The following GALNT2 variants were observed in gnomAD, a reference collection of about 807,000 sequenced individuals.
GALNT2 encodes polypeptide N-acetylgalactosaminyltransferase 2.
GALNT2 carries 31 observed loss-of-function variants against 81.4 expected under a neutral mutation model. The ratio of observed to expected loss-of-function variants is 0.38; its 90% confidence interval spans 0.29 to 0.51. The LOEUF is 0.51. GALNT2 is among the 20% of genes least tolerant of loss of function. The pLI, the probability that GALNT2 is intolerant of heterozygous loss-of-function variation, is 0.87. For synonymous variants in GALNT2, 303 were observed against 287.4 expected, an observed-to-expected ratio of 1.05 and a Z score of -0.55; for missense variants, 629 against 765.7, an observed-to-expected ratio of 0.82 and a Z score of 2.11.
intron 11 of GALNT2, among the ~76,000 whole-genome samples, chr1:230,256,573 T>A (rs1665722656): frequency 6.6e-6 from 1 of 152,124 alleles, no homozygotes; most frequent in South Asian, 2.1e-4. Context: ...TAATTGTGTA[T>A]ACCACAAGAC....
intron 14 of GALNT2, 73 bp from the exon 15 acceptor site, chr1:230,274,372 C>A: frequency 6.4e-7 from 1 of 1,560,988 alleles, no homozygotes. Context: ...TTTTTGAGCC[C>A]TCATCGATGC....
At chr1:230,200,606 G>A (rs1191683082) in intron 2 of GALNT2, among the ~76,000 whole-genome samples, 2 of 152,220 alleles carry the variant, frequency 1.3e-5, no homozygotes, top group Non-Finnish European at 2.9e-5. Context: ...GGGTGTGAGA[G>A]CACAAAGAGA....
intron 1 of GALNT2, among the ~76,000 whole-genome samples, chr1:230,164,102 A>G (rs1395560241): frequency 6.6e-6 from 1 of 152,242 alleles, no homozygotes; most frequent in African/African-American, 2.4e-5. Flanking sequence ...ACTGTGAAGA[A>G]CACATACGTA....
At chr1:230,203,116 C>CCTCTG (rs1325971339) in intron 2 of GALNT2, 21 bp from the exon 3 acceptor site, 25 of 1,610,170 alleles carry the variant, frequency 1.6e-5, no homozygotes, top group Non-Finnish European at 2.0e-5. Flanking sequence ...TCATCCCTAC[C>CCTCTG]CTCTGCTCTG....
rs370318591 is a variant in GALNT2, at chr1:230,143,785, A to G, written c.127-34433A>G. On this transcript the variant is annotated intron_variant, in intron 1 of 15. Coordinates refer to ENST00000366672, the MANE Select transcript of GALNT2 (RefSeq NM_004481.5). Reference sequence around the variant, plus strand: ...CGTGGGTGACATTGATGCGCCAACCAGATGCCCCCAGCTGTGACAGGCAGA... The same window carrying G: ...CGTGGGTGACATTGATGCGCCAACCGGATGCCCCCAGCTGTGACAGGCAGA... Among the ~76,000 whole-genome samples, 339 of 152,346 alleles carry G rather than the reference A, an allele frequency of 2.2e-3. 5 individuals are homozygous for G. Among genetic ancestry groups the G allele is most frequent in the Middle Eastern group, 0.01 (3 of 294 alleles).
intron 1 of GALNT2, among the ~76,000 whole-genome samples, chr1:230,112,688 G>C (rs932081114): frequency 6.6e-6 from 1 of 151,928 alleles, no homozygotes; most frequent in Non-Finnish European, 1.5e-5. Context: ...GGAGGAGGGA[G>C]AGGGTGGCTG....
intron 10 of GALNT2, among the ~76,000 whole-genome samples, chr1:230,252,809 A>G (rs1572140720): frequency 8.3e-6 from 1 of 120,228 alleles, no homozygotes; most frequent in Admixed American, 8.2e-5. Flanking sequence ...GCAAATGGAT[A>G]TTTAAATTTT....
intron 1 of GALNT2, among the ~76,000 whole-genome samples, chr1:230,112,621 A>G (rs1404086980): frequency 1.3e-5 from 2 of 152,106 alleles, no homozygotes; most frequent in Non-Finnish European, 2.9e-5. Flanking sequence ...GTTCTTTTCC[A>G]AGTGACTTAA....
At chr1:230,203,487 C>G (rs1189420952) in intron 3 of GALNT2, among the ~76,000 whole-genome samples, 197 bp downstream of exon 3, 1 of 152,184 alleles carries the variant, frequency 6.6e-6, no homozygotes, top group African/African-American at 2.4e-5. Flanking sequence ...AGATTCAGCT[C>G]TAGTCTTTAG....
At chr1:230,200,410 A>G (rs1663853560) in intron 2 of GALNT2, among the ~76,000 whole-genome samples, 1 of 151,964 alleles carries the variant, frequency 6.6e-6, no homozygotes, top group Non-Finnish European at 1.5e-5. Flanking sequence ...CTCCTAGAAC[A>G]TGAAGTCCAC....
chr1:230,175,984 A>T (rs889591910), intron 1 of GALNT2, among the ~76,000 whole-genome samples: 4 of 152,136 alleles, frequency 2.6e-5, no homozygotes, highest in Non-Finnish European at 4.4e-5. Flanking sequence ...GTAAGACAGG[A>T]ATTATAAAAT....
rs1487988876 is a variant in GALNT2, at chr1:230,280,540, C to T, written c.*1082C>T. The stretch of plus-strand genomic sequence containing the variant: ...AATGATGCCAGGCAGCTGTCACACG[C>T]TAGTATTGGCTTCATTGTGATCTGA... On this transcript the variant is annotated 3_prime_UTR_variant, in exon 16 of 16. Transcript: ENST00000366672. 1.3e-5 allele frequency: 2 copies of T among 158,870 alleles called. No individual in the cohort carries two copies. The highest frequency in any genetic ancestry group is 2.8e-5 in the Non-Finnish European group (2 of 71,446). 9.8% of individuals were successfully genotyped at this position (158,870 alleles called of 1,614,324 possible).
intron 1 of GALNT2, among the ~76,000 whole-genome samples, chr1:230,094,911 G>A (rs1479964867): frequency 1.3e-5 from 2 of 152,164 alleles, no homozygotes; most frequent in African/African-American, 2.4e-5. Flanking sequence ...CCTTCCCTGT[G>A]TTAGATGTGC....
At chr1:230,232,014 T>A (rs923463833) in intron 3 of GALNT2, among the ~76,000 whole-genome samples, 1 of 152,200 alleles carries the variant, frequency 6.6e-6, no homozygotes, top group Non-Finnish European at 1.5e-5. Context: ...GGCAGCCAGC[T>A]CCCCTGTTGA....
intron 12 of GALNT2, 71 bp downstream of exon 12, chr1:230,262,736 G>T: frequency 6.9e-7 from 1 of 1,449,240 alleles, no homozygotes; most frequent in Non-Finnish European, 9.7e-7. Context: ...GTAAGGGGCT[G>T]CCCCCAGCGT....
intron 1 of GALNT2, among the ~76,000 whole-genome samples, chr1:230,169,388 C>A (rs1229577096): frequency 6.6e-6 from 1 of 152,192 alleles, no homozygotes; most frequent in African/African-American, 2.4e-5. Flanking sequence ...TGCCTAAGGT[C>A]ATAGAGATAG....
chr1:230,250,968 G>A (rs1018821084), intron 10 of GALNT2, among the ~76,000 whole-genome samples: 4 of 152,166 alleles, frequency 2.6e-5, no homozygotes, highest in East Asian at 1.9e-4. Context: ...ATGAAAATCC[G>A]ATGGGGCAGG....
chr1:230,260,841 ACT>A (rs1185017481), intron 11 of GALNT2, among the ~76,000 whole-genome samples: 4 of 152,190 alleles, frequency 2.6e-5, no homozygotes, highest in African/African-American at 9.6e-5. Context: ...GTGCCATAAC[ACT>A]CTCATAATTT....
At chr1:230,253,532 A>G (rs1665615028) in intron 10 of GALNT2, among the ~76,000 whole-genome samples, 3 of 152,170 alleles carry the variant, frequency 2.0e-5, no homozygotes, top group African/African-American at 2.4e-5. Context: ...ATATGTGTAT[A>G]TTTTTACTTC....
Sources: gnomAD v4.1 joint callset for allele counts (sites outside exome capture counted in the v4.1 genomes callset) on GRCh38, gnomAD v4.1.1 for gene constraint, MANE v1.5 for transcripts, NCBI Gene and HGNC (gene_info 2026-07-23, HGNC 2026-07-21) for gene names.